The following PCDH15 variants were observed in gnomAD, a reference collection of about 807,000 sequenced individuals.
PCDH15 encodes the protein protocadherin related 15, also known as protocadherin-15.
PCDH15 carries 129 observed loss-of-function variants against 178.5 expected under a neutral mutation model. The observed-to-expected ratio is 0.72, with a 90% CI of 0.63 to 0.84. The LOEUF is 0.84. Among genes scored for constraint, PCDH15 ranks in the 40% least tolerant of loss-of-function variants. PCDH15 has a pLI of 0.00. For missense variants in PCDH15, 2,230 were observed against 2,099.9 expected, an observed-to-expected ratio of 1.06 and a Z score of -1.21; for synonymous variants, 800 against 732.0, an observed-to-expected ratio of 1.09 and a Z score of -1.50.
intron 3 of PCDH15, among the ~76,000 whole-genome samples, chr10:54,897,119 C>T (rs1338602629): frequency 6.6e-6 from 1 of 152,162 alleles, no homozygotes; most frequent in Non-Finnish European, 1.5e-5. Flanking sequence ...GTATGAATTG[C>T]TGCATGACAG....
At chr10:55,185,060 C>A (rs886720338) in intron 1 of PCDH15, among the ~76,000 whole-genome samples, 2 of 151,718 alleles carry the variant, frequency 1.3e-5, no homozygotes, top group Non-Finnish European at 2.9e-5. Flanking sequence ...AAATAACTTG[C>A]TTTTGTGGCA....
intron 2 of PCDH15, among the ~76,000 whole-genome samples, chr10:55,455,652 A>G (rs556209498): frequency 6.6e-6 from 1 of 152,206 alleles, no homozygotes; most frequent in East Asian, 1.9e-4. Flanking sequence ...TCTATTCAAC[A>G]TAAGAATAAC....
intron 3 of PCDH15, among the ~76,000 whole-genome samples, chr10:54,891,585 G>A (rs1458442204): frequency 6.6e-6 from 1 of 152,142 alleles, no homozygotes; most frequent in African/African-American, 2.4e-5. Flanking sequence ...CAAAGGCAGA[G>A]TATGGTCTCT....
In PCDH15 at chr10:53,823,160, T is replaced by TAAGTC. The variant is rs1554820894; in HGVS notation, c.4368-2935_4368-2931dup. ...CCTTATAAAGGGGATTATGGGCACTTAAGTCATCCTCATCAGATAGAAATG... is the reference window on the plus strand; with the variant it reads ...CCTTATAAAGGGGATTATGGGCACTTAAGTCAAGTCATCCTCATCAGATAGAAATG... On this transcript the variant is annotated intron_variant, in intron 32 of 37. Coordinates refer to ENST00000644397, the MANE Select transcript of PCDH15 (RefSeq NM_001384140.1). 1 of 1,614,046 alleles carries TAAGTC rather than the reference T, an allele frequency of 6.2e-7. No individual in the cohort carries two copies. Among genetic ancestry groups the TAAGTC allele is most frequent in the Non-Finnish European group, 8.5e-7 (1 of 1,179,930 alleles).
At chr10:54,256,125 C>T (rs1159634521) in intron 8 of PCDH15, among the ~76,000 whole-genome samples, 1 of 152,098 alleles carries the variant, frequency 6.6e-6, no homozygotes, top group Non-Finnish European at 1.5e-5. Flanking sequence ...AAGAGCACTG[C>T]CACAATAAAC....
intron 1 of PCDH15, among the ~76,000 whole-genome samples, chr10:55,255,401 C>T (rs1344551648): frequency 6.6e-6 from 1 of 152,106 alleles, no homozygotes; most frequent in Non-Finnish European, 1.5e-5. Flanking sequence ...TGAATAGTGC[C>T]ACAATAAACA....
intron 2 of PCDH15, among the ~76,000 whole-genome samples, chr10:55,106,810 A>C (rs1837357982): frequency 6.6e-6 from 1 of 152,230 alleles, no homozygotes; most frequent in South Asian, 2.1e-4. Context: ...TCTATTTCCA[A>C]TCCAGGATTT....
At chr10:55,234,214 T>A (rs1193408932) in intron 1 of PCDH15, among the ~76,000 whole-genome samples, 1 of 152,088 alleles carries the variant, frequency 6.6e-6, no homozygotes. Flanking sequence ...GATTCCACAA[T>A]CTAGAACTTG....
chr10:54,998,306 A>G (rs970356531), intron 2 of PCDH15, among the ~76,000 whole-genome samples: 1 of 152,032 alleles, frequency 6.6e-6, no homozygotes, highest in Non-Finnish European at 1.5e-5. Context: ...GTCTATCTTC[A>G]TGGCCACTCC....
At chr10:54,387,077 A>C (rs1188760852) in intron 3 of PCDH15, among the ~76,000 whole-genome samples, 1 of 40,810 alleles carries the variant, frequency 2.5e-5, no homozygotes, top group Non-Finnish European at 6.7e-5. Flanking sequence ...TACACATATC[A>C]AATATCATGT....
At chr10:54,020,910 T>G (rs911932433) in intron 19 of PCDH15, among the ~76,000 whole-genome samples, 1 of 151,998 alleles carries the variant, frequency 6.6e-6, no homozygotes. Flanking sequence ...TGAGAAAATA[T>G]AAGTAGTAAT....
At chr10:55,446,888 CAGTA>C (rs928470680) in intron 2 of PCDH15, among the ~76,000 whole-genome samples, 3 of 151,990 alleles carry the variant, frequency 2.0e-5, no homozygotes, top group Non-Finnish European at 4.4e-5. Context: ...AATCAAACCA[CAGTA>C]AGAAGCAGAA....
At chr10:55,471,461 C>A (rs765166539) in intron 2 of PCDH15, among the ~76,000 whole-genome samples, 3 of 152,138 alleles carry the variant, frequency 2.0e-5, no homozygotes, top group African/African-American at 7.2e-5. Context: ...AGGGACAGTT[C>A]ATGTTCACAT....
intron 2 of PCDH15, among the ~76,000 whole-genome samples, chr10:54,979,054 T>C (rs1323270503): frequency 1.3e-5 from 2 of 152,170 alleles, no homozygotes; most frequent in African/African-American, 4.8e-5. Context: ...ATCAATTTTA[T>C]AGGTGAAGAA....
At position 54,091,989 on chromosome 10, in the gene PCDH15, T is replaced by C. The variant is rs933376449; in HGVS notation, c.1918-1926A>G. 2.6e-5 allele frequency among the ~76,000 whole-genome samples: 4 copies of C among 152,136 alleles called. No individual in the cohort carries two copies. In the East Asian group the frequency reaches 7.7e-4, roughly 29 times the overall value. On this transcript the variant is annotated intron_variant, in intron 15 of 37. Transcript: ENST00000644397. Reference sequence around the variant, plus strand: ...ATTGCCTACATGGATCCACATTAGATGAATAATAATAAGCCTCCCCAATTT... The same window carrying C: ...ATTGCCTACATGGATCCACATTAGACGAATAATAATAAGCCTCCCCAATTT...
intron 2 of PCDH15, among the ~76,000 whole-genome samples, chr10:55,460,532 G>A (rs1324870976): frequency 6.6e-6 from 1 of 151,952 alleles, no homozygotes; most frequent in Non-Finnish European, 1.5e-5. Flanking sequence ...TTCACCGGAC[G>A]CGTTTTGGTT....
Position 54,463,912 on chromosome 10 carries a change from G to T in PCDH15, c.157+63900C>A, listed in dbSNP as rs541214030. Among the ~76,000 whole-genome samples, 328 of 152,258 alleles carry T rather than the reference G, an allele frequency of 2.2e-3. 1 individual carries two copies. The highest frequency in any genetic ancestry group is 7.4e-3 in the African/African-American group (307 of 41,562). On this transcript the variant is annotated intron_variant, in intron 3 of 37. Coordinates refer to ENST00000644397, the MANE Select transcript of PCDH15 (RefSeq NM_001384140.1). Reference sequence around the variant, plus strand: ...GAAACACAGAGAAGAGGACATTTGAGACAGAGAAAACAACATGTGTGAACA... The same window carrying T: ...GAAACACAGAGAAGAGGACATTTGATACAGAGAAAACAACATGTGTGAACA...
intron 3 of PCDH15, among the ~76,000 whole-genome samples, chr10:54,523,445 A>AC (rs1251502483): frequency 2.6e-5 from 4 of 152,170 alleles, no homozygotes; most frequent in Non-Finnish European, 4.4e-5. Context: ...AAACTACACT[A>AC]CCTGATATAA....
At chr10:53,977,189 C>T (rs771062684) in intron 21 of PCDH15, among the ~76,000 whole-genome samples, 2 of 152,116 alleles carry the variant, frequency 1.3e-5, no homozygotes, top group African/African-American at 2.4e-5. Flanking sequence ...TCTCAGTGAT[C>T]GGCTTTCTGT....
Sources: allele counts gnomAD v4.1 joint callset (sites outside exome capture counted in the v4.1 genomes callset), GRCh38; gene constraint gnomAD v4.1.1; transcripts MANE v1.5; gene names NCBI Gene and HGNC (gene_info 2026-07-23, HGNC 2026-07-21).